The following GALNT18 variants were observed in gnomAD, a reference collection of about 807,000 sequenced individuals.
GALNT18 encodes GalNAc-transferase 18.
Under a neutral mutation model 69.5 loss-of-function variants are expected in GALNT18, and 44 were observed. The ratio of observed to expected loss-of-function variants is 0.63; its 90% CI spans 0.50 to 0.81. The LOEUF (loss-of-function observed/expected upper bound fraction) is 0.81, where lower values mean the gene tolerates loss of function less well. GALNT18 is among the 40% of genes least tolerant of loss of function. The pLI is 0.00. For missense variants in GALNT18, 715 were observed against 810.0 expected (o/e 0.88, Z 1.42); for synonymous variants, 364 against 318.2 (o/e 1.14, Z -1.53).
chr11:11,377,162 C>G lies in GALNT18; in HGVS notation c.977+20G>C. 1.9e-6 allele frequency: 3 copies of G among 1,609,884 alleles called. No individual in the cohort carries two copies. Among genetic ancestry groups the G allele is most frequent in the Non-Finnish European group, 2.5e-6 (3 of 1,177,948 alleles). ...CTGGAGGTCAAAGCGGAGAGACCCA[C>G]AGGTAAAGGTTTGCTTTACCTGATT... On this transcript the variant is annotated intron_variant, in intron 5 of 10. Transcript: ENST00000227756. The surrounding 1 kb of genome is among the most constrained non-coding windows in gnomAD (Gnocchi z 4.6).
chr11:11,321,846 C>T (rs141161137), intron 9 of GALNT18, among the ~76,000 whole-genome samples: 2,660 of 152,322 alleles, frequency 0.017, 84 homozygotes, highest in African/African-American at 0.06. Flanking sequence ...CTCAGGTGAA[C>T]TGCCTGCCTC....
chr11:11,413,272 A>C lies in GALNT18; in HGVS notation c.595+19349T>G, dbSNP rs994310574. On this transcript the variant is annotated intron_variant, in intron 3 of 10. Transcript: ENST00000227756. This position sits in a 1 kb window ranked among gnomAD's most constrained non-coding sequence, Gnocchi z 4.7. ...AGCTGGCTGCTGTGCATGCCTGAGG[A>C]CCCCGGTGGGAAGCTCTTCTGCACT... Among the ~76,000 whole-genome samples the C allele has an allele frequency of 1.4e-4, 21 of 152,202 alleles. No homozygotes were observed. Among genetic ancestry groups the C allele is most frequent in the Admixed American group, 1.3e-3 (20 of 15,298 alleles).
rs1312524084 is a variant in GALNT18 at position 11,430,233 on chromosome 11, G to C, written c.595+2388C>G. Among the ~76,000 whole-genome samples, 1 of 152,046 alleles carries C rather than the reference G, an allele frequency of 6.6e-6. No homozygotes were observed. The highest frequency in any genetic ancestry group is 1.5e-5 in the Non-Finnish European group (1 of 67,996). On this transcript the variant is annotated intron_variant, in intron 3 of 10. Transcript: ENST00000227756. The surrounding 1 kb of genome is among the most constrained non-coding windows in gnomAD (Gnocchi z 4.9). ...AATCTCCTAGGAGAGCTTTTTGTTT[G>C]TTTTAACTTAATATTTTGAAGTAAT...
rs941390856 is a variant in GALNT18, at chr11:11,590,685, T to C, written c.235+30674A>G. 6.6e-6 allele frequency among the ~76,000 whole-genome samples: 1 copy of C among 152,214 alleles called. No individual in the cohort carries two copies. Among genetic ancestry groups the C allele is most frequent in the Non-Finnish European group, 1.5e-5 (1 of 68,042 alleles). Reference sequence around the variant, plus strand: ...CAGTCACCCACCGCATGACGTTCGCTCAATGACAGAACACATATACAATGG... The same window carrying C: ...CAGTCACCCACCGCATGACGTTCGCCCAATGACAGAACACATATACAATGG... On this transcript the variant is annotated intron_variant, in intron 1 of 10. Coordinates refer to ENST00000227756, the MANE Select transcript of GALNT18 (RefSeq NM_198516.3). This position sits in a 1 kb window ranked among gnomAD's most constrained non-coding sequence, Gnocchi z 4.4.
Position 11,389,115 on chromosome 11 carries a change from T to A in GALNT18, c.596-9851A>T, listed in dbSNP as rs1854121998. On this transcript the variant is annotated intron_variant, in intron 3 of 10. Transcript: ENST00000227756. This position sits in a 1 kb window ranked among gnomAD's most constrained non-coding sequence, Gnocchi z 4.3. The stretch of plus-strand genomic sequence containing the variant: ...GAAGATAATAACCTCATTATTATCT[T>A]CAAACGGCAAATGGGAAAAATCAAG... Among the ~76,000 whole-genome samples, 1 of 152,172 alleles carries A rather than the reference T, an allele frequency of 6.6e-6. No homozygotes were observed. Among genetic ancestry groups the A allele is most frequent in the African/African-American group, 2.4e-5 (1 of 41,438 alleles).
chr11:11,292,954 C>G, intron 10 of GALNT18, 75 bp downstream of exon 10: 1 of 1,288,950 alleles, frequency 7.8e-7, no homozygotes, highest in Non-Finnish European at 1.0e-6. Flanking sequence ...TCCTCCACCA[C>G]CTCCCTGGCC....
intron 1 of GALNT18, among the ~76,000 whole-genome samples, chr11:11,550,396 A>G (rs961809275): frequency 3.9e-5 from 6 of 152,218 alleles, no homozygotes; most frequent in Non-Finnish European, 8.8e-5. Context: ...TTGATTGTTT[A>G]GCACTCTGCA....
At chr11:11,414,345 A>G (rs1010139346) in intron 3 of GALNT18, among the ~76,000 whole-genome samples, 3 of 152,238 alleles carry the variant, frequency 2.0e-5, no homozygotes, top group Non-Finnish European at 4.4e-5. Flanking sequence ...CCCACATGAC[A>G]AGGCCACTGC....
At chr11:11,558,034 C>T (rs773064277) in intron 1 of GALNT18, among the ~76,000 whole-genome samples, 10 of 152,188 alleles carry the variant, frequency 6.6e-5, no homozygotes, top group East Asian at 1.9e-4. Context: ...TGGATGGGCA[C>T]GCATCTCTGC....
chr11:11,425,961 G>C (rs972734286), intron 3 of GALNT18, among the ~76,000 whole-genome samples: 35 of 152,342 alleles, frequency 2.3e-4, no homozygotes, highest in African/African-American at 7.7e-4. Context: ...AAAGACATTG[G>C]TCCATTGGGA....
Position 11,297,490 on chromosome 11 carries a change from T to C in GALNT18, c.1513-4297A>G, listed in dbSNP as rs148459242. The stretch of plus-strand genomic sequence containing the variant: ...ACTCCAGAGCCATATGTGCGACCAC[T>C]CACCTCCCTTGCCCACCTCCCTGGG... On this transcript the variant is annotated intron_variant, in intron 9 of 10. Coordinates refer to ENST00000227756, the MANE Select transcript of GALNT18 (RefSeq NM_198516.3). Among the ~76,000 whole-genome samples, 1,270 of 152,226 alleles carry C rather than the reference T, an allele frequency of 8.3e-3. 21 individuals are homozygous for C. Among genetic ancestry groups the C allele is most frequent in the African/African-American group, 0.029 (1,196 of 41,528 alleles).
At chr11:11,373,325 T>A (rs1850957872) in intron 5 of GALNT18, among the ~76,000 whole-genome samples, 1 of 152,092 alleles carries the variant, frequency 6.6e-6, no homozygotes. Flanking sequence ...GAGATAGGAA[T>A]TTTTTAAAGA....
At chr11:11,283,041 C>T (rs1813825820) in intron 10 of GALNT18, among the ~76,000 whole-genome samples, 1 of 152,068 alleles carries the variant, frequency 6.6e-6, no homozygotes, top group Non-Finnish European at 1.5e-5. Flanking sequence ...GAGGAGGTGG[C>T]CCACGGCAGA....
rs1226190050 is a variant in GALNT18, at chr11:11,586,170, G to A, written c.235+35189C>T. Among the ~76,000 whole-genome samples, 15 of 151,952 alleles carry A rather than the reference G, an allele frequency of 9.9e-5. No individual in the cohort carries two copies. The highest frequency in any genetic ancestry group is 2.2e-4 in the Non-Finnish European group (15 of 67,992). ...ATTGTTTATAAGCCATGCCATCTAG[G>A]GTATTTTATTATAGCAGTCTGAATG... On this transcript the variant is annotated intron_variant, in intron 1 of 10. Coordinates refer to ENST00000227756, the MANE Select transcript of GALNT18 (RefSeq NM_198516.3). The surrounding 1 kb of genome is among the most constrained non-coding windows in gnomAD (Gnocchi z 4.1).
intron 1 of GALNT18, among the ~76,000 whole-genome samples, chr11:11,516,277 C>A (rs948941327): frequency 3.9e-5 from 6 of 152,150 alleles, no homozygotes; most frequent in Admixed American, 3.3e-4. Context: ...ATAGCCCATC[C>A]CTGGAATGTT....
chr11:11,287,542 C>A (rs772074417), intron 10 of GALNT18, among the ~76,000 whole-genome samples: 33 of 152,046 alleles, frequency 2.2e-4, no homozygotes, highest in Admixed American at 5.9e-4. Flanking sequence ...TGACCAAATG[C>A]CTCTTTTTTC....
At chr11:11,556,644 C>T (rs886573559) in intron 1 of GALNT18, among the ~76,000 whole-genome samples, 3 of 152,194 alleles carry the variant, frequency 2.0e-5, no homozygotes, top group African/African-American at 7.2e-5. Flanking sequence ...TTGCATGATG[C>T]CAGCTGCTGG....
rs951177164 is a variant in GALNT18, at chr11:11,591,020, G to A, written c.235+30339C>T. Among the ~76,000 whole-genome samples the A allele has an allele frequency of 6.6e-6, 1 of 151,906 alleles. No homozygotes were observed. Among genetic ancestry groups the A allele is most frequent in the African/African-American group, 2.4e-5 (1 of 41,338 alleles). On this transcript the variant is annotated intron_variant, in intron 1 of 10. Coordinates refer to ENST00000227756, the MANE Select transcript of GALNT18 (RefSeq NM_198516.3). The surrounding 1 kb of genome is among the most constrained non-coding windows in gnomAD (Gnocchi z 4.8). ...TTAACTGTAAGACAGTCTCAGGTAG[G>A]TCCTTCCTGAGATATTCCAGAAGAA...
intron 1 of GALNT18, among the ~76,000 whole-genome samples, chr11:11,473,254 ACTT>A (rs1471809260): frequency 6.6e-6 from 1 of 152,222 alleles, no homozygotes; most frequent in Non-Finnish European, 1.5e-5. Context: ...AGTGCAAAAT[ACTT>A]CAAGGCAAGA....
Sources: gnomAD v4.1 joint callset for allele counts (sites outside exome capture counted in the v4.1 genomes callset) on GRCh38, gnomAD v4.1.1 for gene constraint, Gnocchi (gnomAD v3.1) non-coding constraint, MANE v1.5 for transcripts, NCBI Gene and HGNC (gene_info 2026-07-23, HGNC 2026-07-21) for gene names.